Variants in CLIC2 observed in about 807,000 individuals in gnomAD.
CLIC2 encodes the protein CLIC family member 2.
In CLIC2, 9 loss-of-function variants were observed where a neutral mutation model predicts 14.8. The ratio of observed to expected loss-of-function variants is 0.61; its 90% CI spans 0.37 to 1.06. CLIC2 has a LOEUF of 1.06. Ranked by LOEUF, CLIC2 falls within the 50% of genes least tolerant of loss-of-function variation. The pLI is 0.01. For missense variants in CLIC2, 148 were observed against 181.4 expected (o/e 0.82, Z 1.06); for synonymous variants, 61 against 66.3 (o/e 0.92, Z 0.39).
chrX:155,329,705 G>A (rs782172174), intron 1 of CLIC2, among the ~76,000 whole-genome samples: 37 of 109,640 alleles, frequency 3.4e-4, no homozygotes, highest in Non-Finnish European at 5.2e-4. Flanking sequence ...CCAAAGAAAG[G>A]AAATCAGCAT....
At chrX:155,318,417 C>A (rs782089120) in intron 1 of CLIC2, among the ~76,000 whole-genome samples, 2 of 111,430 alleles carry the variant, frequency 1.8e-5, no homozygotes, top group South Asian at 3.8e-4. Flanking sequence ...CAATAGTGAC[C>A]AAGCTGAGAA....
Position 155,277,652 on chromosome X carries a change from G to T in CLIC2, c.*251C>A. ...ATTCAAGCAAAGGGCAAAAGATTGT[G>T]ATGCTTTCCATGTCATTCAGGATTG... On this transcript the variant is annotated 3_prime_UTR_variant, in exon 6 of 6. Coordinates refer to ENST00000369449, the MANE Select transcript of CLIC2 (RefSeq NM_001289.6). The T allele has an allele frequency of 3.0e-6, 1 of 332,031 alleles. No homozygotes were observed. The highest frequency in any genetic ancestry group is 5.3e-6 in the Non-Finnish European group (1 of 190,246). 27.4% of individuals were successfully genotyped at this position (332,031 alleles called of 1,213,427 possible). A position where few individuals can be genotyped will look rare whatever the true frequency, so the allele number is the denominator to read the frequency against.
intron 1 of CLIC2, among the ~76,000 whole-genome samples, chrX:155,327,227 T>C (rs935972994): frequency 9.0e-6 from 1 of 111,667 alleles, no homozygotes; most frequent in Non-Finnish European, 1.9e-5. Flanking sequence ...TTTAATGTTA[T>C]AGAAATAAAT....
intron 3 of CLIC2, 82 bp downstream of exon 3, chrX:155,298,703 T>G (rs1569561296): frequency 2.7e-6 from 3 of 1,104,613 alleles, no homozygotes; most frequent in Non-Finnish European, 3.7e-6. Flanking sequence ...AGTACTTAAA[T>G]TGGTAAGAAT....
intron 1 of CLIC2, among the ~76,000 whole-genome samples, chrX:155,328,175 A>G (rs1557322518): frequency 9.0e-6 from 1 of 111,365 alleles, no homozygotes; most frequent in Non-Finnish European, 1.9e-5. Flanking sequence ...ATCAGACAAG[A>G]TAAAGAAATA....
chrX:155,317,573 C>CCAA (rs782118503), intron 1 of CLIC2, among the ~76,000 whole-genome samples: 57 of 111,173 alleles, frequency 5.1e-4, no homozygotes, highest in East Asian at 2.0e-3. Context: ...TTAAAAATTG[C>CCAA]CAACAACAAC....
At chrX:155,304,192 A>G (rs1602946503) in intron 1 of CLIC2, among the ~76,000 whole-genome samples, 1 of 107,473 alleles carries the variant, frequency 9.3e-6, no homozygotes, top group South Asian at 4.2e-4. Context: ...ACTTGGTTCC[A>G]TTCTCCCCGT....
At chrX:155,316,230 A>G (rs1226671321) in intron 1 of CLIC2, among the ~76,000 whole-genome samples, 2 of 111,871 alleles carry the variant, frequency 1.8e-5, no homozygotes, top group African/African-American at 3.2e-5. Context: ...CAACAAATAA[A>G]CCATCAACTT....
chrX:155,330,926 G>A (rs996046278), intron 1 of CLIC2, among the ~76,000 whole-genome samples: 11 of 110,546 alleles, frequency 1.0e-4, no homozygotes, highest in African/African-American at 3.0e-4. Context: ...TTCATCTTAC[G>A]GCTGCTCTGA....
intron 3 of CLIC2, among the ~76,000 whole-genome samples, chrX:155,284,499 C>A (rs1247500275): frequency 2.7e-5 from 3 of 110,705 alleles, no homozygotes; most frequent in African/African-American, 9.8e-5. Flanking sequence ...CTTCAGGTGA[C>A]CTGCCCGCCT....
At chrX:155,326,567 A>G (rs1453631624) in intron 1 of CLIC2, among the ~76,000 whole-genome samples, 6 of 111,925 alleles carry the variant, frequency 5.4e-5, no homozygotes, top group African/African-American at 1.9e-4. Context: ...CGACCAAACA[A>G]CTAGACCCTT....
intron 1 of CLIC2, 45 bp from the exon 2 acceptor site, chrX:155,299,190 A>T (rs782367152): frequency 5.9e-6 from 6 of 1,025,353 alleles, no homozygotes; most frequent in Non-Finnish European, 8.2e-6. Context: ...TTGTTCAATA[A>T]GTATGTATTT....
intron 3 of CLIC2, among the ~76,000 whole-genome samples, chrX:155,283,170 CAT>C (rs1476053322): frequency 6.2e-5 from 7 of 112,512 alleles, no homozygotes; most frequent in Non-Finnish European, 1.3e-4. Context: ...CAGGATAGAT[CAT>C]ATGTTAGGCC....
chrX:155,286,346 T>C (rs1045825100), intron 3 of CLIC2, among the ~76,000 whole-genome samples: 4 of 112,617 alleles, frequency 3.6e-5, no homozygotes, highest in African/African-American at 1.3e-4. Flanking sequence ...TTCCATGGTA[T>C]ATATGTACCA....
chrX:155,306,528 T>C (rs2075056340), intron 1 of CLIC2, among the ~76,000 whole-genome samples: 2 of 111,718 alleles, frequency 1.8e-5, no homozygotes, highest in Admixed American at 1.9e-4. Flanking sequence ...TACATCATTG[T>C]ATTAGGTCAC....
At chrX:155,289,726 C>A (rs2074955767) in intron 3 of CLIC2, among the ~76,000 whole-genome samples, 1 of 111,798 alleles carries the variant, frequency 8.9e-6, no homozygotes, top group African/African-American at 3.2e-5. Flanking sequence ...CATCAGAAAT[C>A]CTGCAGTATA....
At position 155,287,682 on chromosome X, in the gene CLIC2, G is replaced by A. The variant is rs1477930553; in HGVS notation, c.294-7614C>T. ...AGTATAGTTCGAAGTTGGCTAATGC[G>A]ATACTTCCAGCTTTGTTATTTTTGC... is the stretch of plus-strand genomic sequence containing the variant. On this transcript the variant is annotated intron_variant, in intron 3 of 5. Transcript: ENST00000369449. Among the ~76,000 whole-genome samples the A allele has an allele frequency of 2.7e-5, 3 of 112,043 alleles. No individual in the cohort carries two copies. The Admixed American group carries it at 2.8e-4, about 11-fold the overall frequency.
At chrX:155,279,631 A>T (rs958107673) in intron 4 of CLIC2, among the ~76,000 whole-genome samples, 3 of 112,076 alleles carry the variant, frequency 2.7e-5, no homozygotes, top group South Asian at 7.4e-4. Flanking sequence ...AGTTCTTGTG[A>T]CTCAGAGGAT....
At position 155,280,007 on chromosome X, in the gene CLIC2, T is replaced by C; in HGVS notation, c.355A>G (p.Lys119Glu). The C allele has an allele frequency of 8.3e-7, 1 of 1,210,111 alleles. No individual in the cohort carries two copies. The highest frequency in any genetic ancestry group is 1.1e-6 in the Non-Finnish European group (1 of 893,879). Reference sequence around the variant, plus strand: ...GTATTCTTAATGTATGCAGAAAACTTGGCAAAGAGGTTACAGCCCACATCA... The same window carrying C: ...GTATTCTTAATGTATGCAGAAAACTCGGCAAAGAGGTTACAGCCCACATCA... ...SFDVGCNLFA[K>E]FSAYIKNTQK... Residue 119 changes from lysine to glutamate, a missense_variant, in exon 4 of 6, where the codon AAG becomes GAG. Physicochemically the swap from Lys to Glu is moderately conservative, Grantham distance 56. Transcript: ENST00000369449.
Sources: allele counts gnomAD v4.1 joint callset (sites outside exome capture counted in the v4.1 genomes callset), GRCh38; gene constraint gnomAD v4.1.1; transcripts MANE v1.5; gene names NCBI Gene and HGNC (gene_info 2026-07-23, HGNC 2026-07-21).